PRELID2: variants seen among roughly 807,000 people sequenced by gnomAD.
PRELID2 encodes the protein PRELI domain-containing protein 2.
A neutral mutation model predicts 28.4 loss-of-function variants in PRELID2; 25 were observed. That is an observed-to-expected ratio of 0.88 (90% CI 0.64 to 1.23). PRELID2 has a LOEUF of 1.23. Ranked by LOEUF, PRELID2 falls within the 50% of genes most tolerant of loss-of-function variation. The pLI is 0.00. For synonymous variants in PRELID2, 76 were observed against 71.6 expected, an observed-to-expected ratio of 1.06 and a Z score of -0.31; for missense variants, 201 against 214.4, an observed-to-expected ratio of 0.94 and a Z score of 0.39.
At chr5:145,706,630 G>C (rs1347628229) in intron 1 of PRELID2, among the ~76,000 whole-genome samples, 1 of 152,154 alleles carries the variant, frequency 6.6e-6, no homozygotes, top group Non-Finnish European at 1.5e-5. Flanking sequence ...ATGTTCAAAA[G>C]ATTTGCTCAC....
the PRELID2 span, among the ~76,000 whole-genome samples, chr5:145,299,347 AAAATAAG>A: frequency 1.3e-5 from 2 of 152,130 alleles, no homozygotes; most frequent in Admixed American, 1.3e-4. Context: ...ATCCAGAATA[AAAATAAG>A]ATCCACATAT....
the PRELID2 span, among the ~76,000 whole-genome samples, chr5:145,354,786 C>T: frequency 6.6e-6 from 1 of 152,094 alleles, no homozygotes; most frequent in Non-Finnish European, 1.5e-5. Flanking sequence ...AATAATGAAT[C>T]ATCTTGAACT....
the PRELID2 span, among the ~76,000 whole-genome samples, chr5:145,341,455 G>T: frequency 2.6e-5 from 4 of 151,934 alleles, no homozygotes; most frequent in Non-Finnish European, 5.9e-5. Context: ...GATGAGAATC[G>T]CTTGAACCTG....
At chr5:145,417,820 C>A in the PRELID2 span, among the ~76,000 whole-genome samples, 1 of 152,134 alleles carries the variant, frequency 6.6e-6, no homozygotes. Context: ...GGAGGCATTC[C>A]TCTTGAAAAC....
intron 1 of PRELID2, among the ~76,000 whole-genome samples, chr5:145,611,060 TGAA>T (rs1038323984): frequency 7.3e-5 from 11 of 150,842 alleles, no homozygotes; most frequent in African/African-American, 2.4e-4. Context: ...GAATTGTAAA[TGAA>T]GAAGTAAAAT....
chr5:145,371,960 G>A, the PRELID2 span, among the ~76,000 whole-genome samples: 11 of 148,324 alleles, frequency 7.4e-5, no homozygotes, highest in Admixed American at 2.0e-4. Context: ...CTTCAATTCT[G>A]CTCTTAGTTA....
chr5:145,486,581 G>A (rs1326195810), intron 1 of PRELID2, among the ~76,000 whole-genome samples: 1 of 152,104 alleles, frequency 6.6e-6, no homozygotes, highest in Non-Finnish European at 1.5e-5. Context: ...GACCGCTCTT[G>A]GGGAAAATTC....
intron 1 of PRELID2, among the ~76,000 whole-genome samples, chr5:145,644,463 C>G (rs559148007): frequency 4.9e-4 from 73 of 150,460 alleles, no homozygotes; most frequent in African/African-American, 1.6e-3. Context: ...CAAAAAAAAA[C>G]AGCTCCTGGA....
At chr5:145,817,214 A>ATATATATAT (rs1561643832) in intron 4 of PRELID2, among the ~76,000 whole-genome samples, 5 of 64,124 alleles carry the variant, frequency 7.8e-5, no homozygotes, top group African/African-American at 2.1e-4. Context: ...TAAATAAATA[A>ATATATATAT]AAAAAAATAT....
the PRELID2 span, among the ~76,000 whole-genome samples, chr5:145,297,307 A>T: frequency 6.6e-6 from 1 of 152,088 alleles, no homozygotes; most frequent in Non-Finnish European, 1.5e-5. Flanking sequence ...GTTTTCTTCT[A>T]GGGTTTTTAT....
At chr5:145,613,004 TA>T (rs952654989) in intron 1 of PRELID2, among the ~76,000 whole-genome samples, 2 of 152,216 alleles carry the variant, frequency 1.3e-5, no homozygotes, top group Non-Finnish European at 2.9e-5. Context: ...GCAATTGGTA[TA>T]AAAATAGAAT....
chr5:145,772,868 A>T (rs1758193984), intron 5 of PRELID2, among the ~76,000 whole-genome samples: 1 of 152,246 alleles, frequency 6.6e-6, no homozygotes, highest in Non-Finnish European at 1.5e-5. Flanking sequence ...ATATGAATCA[A>T]TATCTAATCC....
At chr5:145,603,515 A>T (rs889053064) in intron 1 of PRELID2, among the ~76,000 whole-genome samples, 6 of 152,150 alleles carry the variant, frequency 3.9e-5, no homozygotes, top group African/African-American at 1.4e-4. Context: ...TCAAACAAAG[A>T]ACTGATAGTT....
At chr5:145,531,917 G>A (rs916377256) in intron 1 of PRELID2, among the ~76,000 whole-genome samples, 1 of 152,160 alleles carries the variant, frequency 6.6e-6, no homozygotes, top group Admixed American at 6.5e-5. Flanking sequence ...ATGTAGACTT[G>A]AGAAAGTTAT....
the PRELID2 span, among the ~76,000 whole-genome samples, chr5:145,393,820 A>C: frequency 2.6e-5 from 4 of 152,252 alleles, no homozygotes; most frequent in Non-Finnish European, 1.5e-5. Context: ...AACAGGGTTA[A>C]GTCTGTCTTG....
intron 1 of PRELID2, among the ~76,000 whole-genome samples, chr5:145,551,680 G>T (rs1042494782): frequency 2.6e-5 from 4 of 152,146 alleles, no homozygotes; most frequent in Admixed American, 6.5e-5. Context: ...TATCAGTAAG[G>T]GTCTTGGCAG....
the PRELID2 span, among the ~76,000 whole-genome samples, chr5:145,371,619 G>A: frequency 6.6e-6 from 1 of 151,974 alleles, no homozygotes; most frequent in African/African-American, 2.4e-5. Flanking sequence ...GATGACGCTG[G>A]CTTCATAAAA....
At chr5:145,470,290 CA>C (rs1217210830), downstream of PRELID2, among the ~76,000 whole-genome samples, 4 of 152,068 alleles carry the variant, frequency 2.6e-5, no homozygotes, top group Non-Finnish European at 5.9e-5. Flanking sequence ...ACTTTCTCTA[CA>C]AAAACATGTG....
chr5:145,396,898 A>G, the PRELID2 span, among the ~76,000 whole-genome samples: 1 of 152,144 alleles, frequency 6.6e-6, no homozygotes, highest in Non-Finnish European at 1.5e-5. Flanking sequence ...AAAAAACCAC[A>G]TGGTCCAGCT....
Sources: allele counts gnomAD v4.1 joint callset (sites outside exome capture counted in the v4.1 genomes callset), GRCh38; gene constraint gnomAD v4.1.1; transcripts MANE v1.5; gene names NCBI Gene and HGNC (gene_info 2026-07-23, HGNC 2026-07-21).